Variants in DNAH7 observed in about 807,000 individuals in gnomAD.
DNAH7 encodes dynein axonemal heavy chain 7, also known as axonemal beta dynein heavy chain 7.
In DNAH7, 397 loss-of-function variants were observed where a neutral mutation model predicts 444.6. That is an observed-to-expected ratio of 0.89 (90% CI 0.82 to 0.97). The LOEUF (loss-of-function observed/expected upper bound fraction) is 0.97, where lower values mean the gene tolerates loss of function less well. Among genes scored for constraint, DNAH7 ranks in the 50% least tolerant of loss-of-function variants. The probability of loss-of-function intolerance (pLI) is 0.00; values close to 1 mark genes in which losing one functional copy is unlikely to be tolerated. For missense variants in DNAH7, 4,902 were observed against 4,800.8 expected (o/e 1.02, Z -0.62); for synonymous variants, 1,636 against 1,624.4 (o/e 1.01, Z -0.17).
chr2:195,844,103 A>C (rs996765325), intron 47 of DNAH7, among the ~76,000 whole-genome samples: 17 of 106,368 alleles, frequency 1.6e-4, no homozygotes, highest in East Asian at 1.5e-3. Flanking sequence ...CTCAAAAAAA[A>C]ACAAAAAACC....
At chr2:195,885,919 G>A (rs1701681977) in intron 34 of DNAH7, among the ~76,000 whole-genome samples, 2 of 152,136 alleles carry the variant, frequency 1.3e-5, no homozygotes, top group African/African-American at 4.8e-5. Flanking sequence ...TGTGATCACT[G>A]GGCTCCGCCC....
intron 51 of DNAH7, among the ~76,000 whole-genome samples, chr2:195,813,892 A>G (rs1056117469): frequency 1.1e-4 from 16 of 152,250 alleles, no homozygotes; most frequent in African/African-American, 3.9e-4. Flanking sequence ...ACTGCACTAG[A>G]GAAAACAATG....
intron 63 of DNAH7, among the ~76,000 whole-genome samples, chr2:195,747,130 GAATCA>G (rs1165380546): frequency 6.6e-6 from 1 of 151,666 alleles, no homozygotes; most frequent in African/African-American, 2.4e-5. Flanking sequence ...AAAGAGAGAA[GAATCA>G]AATAGACGCA....
At chr2:195,834,575 C>G in intron 47 of DNAH7, 1 of 424,696 alleles carries the variant, frequency 2.4e-6, no homozygotes, top group Non-Finnish European at 4.1e-6. Flanking sequence ...AAAGTTCGCA[C>G]AAGTTATTAT....
At position 195,960,766 on chromosome 2, in the gene DNAH7, T is replaced by C. The variant is rs966193935; in HGVS notation, c.2385A>G (p.Gln795=). 1.5e-5 allele frequency: 25 copies of C among 1,614,060 alleles called. No homozygotes were observed. Among genetic ancestry groups the C allele is most frequent in the Non-Finnish European group, 2.1e-5 (25 of 1,180,026 alleles). The change falls in exon 18 of 65, where the codon CAA becomes CAG. Residue 795 remains glutamine, a synonymous_variant. Transcript: ENST00000312428. ...EGPYHKVNPD[Q]VEADIGNYWR... ...AGTAATTTCCAATATCTGCTTCTAC[T>C]TGGTCTGGATTCACTTTATGATATG... is the stretch of plus-strand genomic sequence containing the variant.
intron 61 of DNAH7, among the ~76,000 whole-genome samples, chr2:195,767,730 T>TA (rs1206689310): frequency 6.6e-6 from 1 of 152,046 alleles, no homozygotes; most frequent in Non-Finnish European, 1.5e-5. Flanking sequence ...TTTCACTCTT[T>TA]AAAAACTGCC....
In DNAH7 at chr2:195,926,572, CA is replaced by C; in HGVS notation, c.3472-7del. 1 of 1,580,102 alleles carries C rather than the reference CA, an allele frequency of 6.3e-7. No homozygotes were observed. On this transcript the variant is annotated splice_polypyrimidine_tract_variant and splice_region_variant and intron_variant, in intron 21 of 64. Coordinates refer to ENST00000312428, the MANE Select transcript of DNAH7 (RefSeq NM_018897.3). ...AAAGTTGCATCTCCAGTTACCTAAT[CA>C]AAAAAGAATATGCTAAATATTAACC...
rs565477015 is a variant in DNAH7, at chr2:196,060,171, T to C, written c.16-2055A>G. Among the ~76,000 whole-genome samples the C allele has an allele frequency of 2.8e-4, 43 of 152,188 alleles. No homozygotes were observed. The South Asian group carries it at 8.1e-3, about 29-fold the overall frequency. Reference sequence around the variant, plus strand: ...AGGCAGAGCTTGCAGTGAGCCAAGATTGAGCCACTGCACTCCAGCCTGGGC... The same window carrying C: ...AGGCAGAGCTTGCAGTGAGCCAAGACTGAGCCACTGCACTCCAGCCTGGGC... On this transcript the variant is annotated intron_variant, in intron 1 of 64. Coordinates refer to ENST00000312428, the MANE Select transcript of DNAH7 (RefSeq NM_018897.3).
Position 195,895,052 on chromosome 2 carries a change from A to G in DNAH7, c.4820T>C (p.Ile1607Thr). The change falls in exon 30 of 65, where the codon ATT becomes ACT. Residue 1607 changes from isoleucine (I) to threonine (T), a missense_variant. Physicochemically the swap from Ile to Thr is moderately conservative, Grantham distance 89 (BLOSUM62 -1). Coordinates refer to ENST00000312428, the MANE Select transcript of DNAH7 (RefSeq NM_018897.3). ...TTTTCCTCCAAATGGTTCTCCAACA[A>G]TCATAAAACCATGACGCACAATCAT... Reference protein sequence around the residue: ...EMMIVRHGFMIVGEPFGGKTS... With the variant: ...EMMIVRHGFMTVGEPFGGKTS... The G allele has an allele frequency of 6.2e-7, 1 of 1,613,588 alleles. No individual in the cohort carries two copies. Among genetic ancestry groups the G allele is most frequent in the South Asian group, 1.1e-5 (1 of 91,004 alleles).
chr2:196,024,831 A>G (rs1356965476), intron 7 of DNAH7, among the ~76,000 whole-genome samples: 2 of 152,188 alleles, frequency 1.3e-5, no homozygotes, highest in African/African-American at 4.8e-5. Context: ...TTGAAGGTCA[A>G]CAATACAGGA....
intron 31 of DNAH7, among the ~76,000 whole-genome samples, chr2:195,889,700 C>T (rs1349422690): frequency 3.3e-5 from 5 of 152,090 alleles, no homozygotes; most frequent in African/African-American, 1.2e-4. Flanking sequence ...CTAGGAAAAA[C>T]AAAATTATTC....
At chr2:195,754,559 C>A in intron 62 of DNAH7, 45 bp from the exon 63 acceptor site, 1 of 1,554,728 alleles carries the variant, frequency 6.4e-7, no homozygotes, top group Non-Finnish European at 8.7e-7. Context: ...ACCTTTCAAC[C>A]TTTTTTTCTT....
At chr2:196,047,581 T>G in intron 4 of DNAH7, 82 bp from the exon 5 acceptor site, 1 of 1,187,068 alleles carries the variant, frequency 8.4e-7, no homozygotes, top group East Asian at 2.6e-5. Context: ...AATAAGATGC[T>G]AAATCACCTT....
chr2:195,888,146 TTTTGA>T lies in DNAH7; in HGVS notation c.5406+107_5406+111del, dbSNP rs1574672162. 6.7e-5 allele frequency: 59 copies of T among 879,378 alleles called. No individual in the cohort carries two copies. In the East Asian group the frequency reaches 1.5e-3, roughly 23 times the overall value. The allele number at this position is 879,378 out of a possible 1,614,324, so 54.5% of individuals were successfully genotyped here. A position where few individuals can be genotyped will look rare whatever the true frequency, so the allele number is the denominator to read the frequency against. On this transcript the variant is annotated intron_variant, in intron 33 of 64. Coordinates refer to ENST00000312428, the MANE Select transcript of DNAH7 (RefSeq NM_018897.3). ...TAAATTTTTAATTTAATCAAAAAGG[TTTTGA>T]TTTAATATCTCTTAGCTGATAATAA... is the stretch of plus-strand genomic sequence containing the variant.
intron 46 of DNAH7, among the ~76,000 whole-genome samples, chr2:195,848,735 C>G (rs1024620507): frequency 2.0e-5 from 3 of 152,100 alleles, no homozygotes; most frequent in African/African-American, 7.2e-5. Context: ...TCACATGTTT[C>G]CTGGGGGTTG....
chr2:195,967,226 G>A (rs1007229741), intron 17 of DNAH7, among the ~76,000 whole-genome samples: 2 of 151,626 alleles, frequency 1.3e-5, no homozygotes, highest in Non-Finnish European at 1.5e-5. Context: ...AAGCAAAAAG[G>A]AGACTAATTT....
chr2:196,061,054 T>A (rs1471894062), intron 1 of DNAH7, among the ~76,000 whole-genome samples: 1 of 152,206 alleles, frequency 6.6e-6, no homozygotes, highest in Non-Finnish European at 1.5e-5. Flanking sequence ...TAAATCAAGC[T>A]AATTAACATA....
chr2:195,772,821 C>G (rs1379237016), intron 60 of DNAH7, among the ~76,000 whole-genome samples: 3 of 145,090 alleles, frequency 2.1e-5, no homozygotes, highest in Non-Finnish European at 4.5e-5. Flanking sequence ...CACTCTGTTG[C>G]CCAGGCTGGA....
At position 195,740,640 on chromosome 2, in the gene DNAH7, TATATAC is replaced by T. The variant is rs1191631606; in HGVS notation, c.11868+120_11868+125del. On this transcript the variant is annotated intron_variant, in intron 64 of 64. Transcript: ENST00000312428. ...GTATATATATATATATATATATATA[TATATAC>T]ATATACACACACACATATGTATACA... 8.4e-3 allele frequency: 767 copies of T among 91,364 alleles called. 6 individuals are homozygous for T. Among genetic ancestry groups the T allele is most frequent in the African/African-American group, 0.033 (472 of 14,206 alleles). The allele number at this position is 91,364 out of a possible 1,614,324, so 5.7% of individuals were successfully genotyped here.
Sources: gnomAD v4.1 joint callset for allele counts (sites outside exome capture counted in the v4.1 genomes callset) on GRCh38, gnomAD v4.1.1 for gene constraint, MANE v1.5 for transcripts, NCBI Gene and HGNC (gene_info 2026-07-23, HGNC 2026-07-21) for gene names.